MYO10: variants seen among roughly 807,000 people sequenced by gnomAD.
MYO10 encodes unconventional myosin-X.
Under a neutral mutation model 257.3 loss-of-function variants are expected in MYO10, and 133 were observed. The observed-to-expected ratio is 0.52, with a 90% CI of 0.45 to 0.60. The LOEUF is 0.60. Ranked by LOEUF, MYO10 falls within the 20% of genes least tolerant of loss-of-function variation. MYO10 has a pLI of 0.00. For synonymous variants in MYO10, 1,104 were observed against 1,028.6 expected (o/e 1.07, Z -1.40); for missense variants, 2,399 against 2,635.7 (o/e 0.91, Z 1.97).
Position 16,796,464 on chromosome 5 carries a change from GAAAGA to G in MYO10, c.280-1636_280-1632del, listed in dbSNP as rs202181181. 5.9e-3 allele frequency among the ~76,000 whole-genome samples: 594 copies of G among 100,118 alleles called. 9 individuals are homozygous for G. The highest frequency in any genetic ancestry group is 9.7e-3 in the Non-Finnish European group (433 of 44,628). The allele number at this position is 100,118 out of a possible 152,430, so 65.7% of individuals were successfully genotyped here. On this transcript the variant is annotated intron_variant, in intron 3 of 40. Coordinates refer to ENST00000513610, the MANE Select transcript of MYO10 (RefSeq NM_012334.3). ...AGACAGAAAGAAAGAAAGAAAGAAA[GAAAGA>G]AAAGAAAAGAAAAGAAAGAAAGAAA...
chr5:16,756,541 T>C (rs1295605646), intron 18 of MYO10, among the ~76,000 whole-genome samples: 3 of 152,188 alleles, frequency 2.0e-5, no homozygotes, highest in African/African-American at 7.2e-5. Context: ...ACTACATGGA[T>C]TAATTACTTC....
intron 3 of MYO10, among the ~76,000 whole-genome samples, chr5:16,796,469 A>AAAG (rs879800508): frequency 0.53 from 63,804 of 120,358 alleles, 15,566 homozygotes; most frequent in South Asian, 0.59. Flanking sequence ...AGAAAGAAAG[A>AAAG]AAAGAAAAGA....
Position 16,681,310 on chromosome 5 carries a change from T to C in MYO10, c.4383A>G (p.Thr1461=), listed in dbSNP as rs1736988628. ...GGTTCGGGCAGCCAGCCTGGTTACC[T>C]GTCTCTTTGAATATCTTCTCATCTG... ...VPPDEKIFKE[T]GYWNVTVYGR... Residue 1461 remains threonine, a splice_region_variant and synonymous_variant, in exon 32 of 41, where the codon ACA becomes ACG. Coordinates refer to ENST00000513610, the MANE Select transcript of MYO10 (RefSeq NM_012334.3). 6.2e-7 allele frequency: 1 copy of C among 1,606,190 alleles called. No individual in the cohort carries two copies. Among genetic ancestry groups the C allele is most frequent in the East Asian group, 2.2e-5 (1 of 44,854 alleles).
intron 3 of MYO10, among the ~76,000 whole-genome samples, chr5:16,811,867 T>C (rs1252264377): frequency 2.0e-5 from 3 of 152,288 alleles, no homozygotes; most frequent in East Asian, 3.9e-4. Context: ...TCAACCCTGA[T>C]TGATCTCATG....
In MYO10 at chr5:16,779,617, G is replaced by A; in HGVS notation, c.858C>T (p.Tyr286=). The change falls in exon 9 of 41, where the codon TAC becomes TAT. Residue 286 remains tyrosine (Y), a synonymous_variant. Coordinates refer to ENST00000513610, the MANE Select transcript of MYO10 (RefSeq NM_012334.3). ...CACATCCAGACTGATTCAAGTAGTG[G>A]TAGTTTTCTGGCGTAGATAAATAAA... The part of the protein sequence containing the change: ...EEFYLSTPEN[Y]HYLNQSGCVE... 6.2e-7 allele frequency: 1 copy of A among 1,605,726 alleles called. No individual in the cohort carries two copies. Among genetic ancestry groups the A allele is most frequent in the Non-Finnish European group, 8.5e-7 (1 of 1,177,112 alleles).
chr5:16,682,900 C>G (rs900049523), intron 30 of MYO10, among the ~76,000 whole-genome samples: 12 of 152,088 alleles, frequency 7.9e-5, no homozygotes, highest in African/African-American at 2.9e-4. Context: ...AAGGATGGAT[C>G]ATCACATGCC....
intron 9 of MYO10, among the ~76,000 whole-genome samples, chr5:16,776,577 C>T (rs1741219364): frequency 1.3e-5 from 2 of 152,236 alleles, no homozygotes; most frequent in Admixed American, 1.3e-4. Context: ...AATTTCTCTT[C>T]CTTTCTAGGT....
chr5:16,790,341 C>A lies in MYO10; in HGVS notation c.467+4305G>T, dbSNP rs372739555. On this transcript the variant is annotated intron_variant, in intron 4 of 40. Transcript: ENST00000513610. ...GCTGCAAAGATGAATTAGCCACAGGCCTTGTCTGTATTATACACCTTAAGA... is the reference window on the plus strand; with the variant it reads ...GCTGCAAAGATGAATTAGCCACAGGACTTGTCTGTATTATACACCTTAAGA... Among the ~76,000 whole-genome samples the A allele has an allele frequency of 5.9e-5, 9 of 152,180 alleles. No individual in the cohort carries two copies. In the South Asian group the frequency reaches 1.9e-3, roughly 32 times the overall value.
chr5:16,864,332 C>T (rs1251780783), intron 2 of MYO10, among the ~76,000 whole-genome samples: 3 of 152,134 alleles, frequency 2.0e-5, no homozygotes, highest in Non-Finnish European at 4.4e-5. Context: ...CTCTCTGGGC[C>T]AGGCTCGGCT....
At chr5:16,713,221 C>T (rs567780239) in intron 19 of MYO10, 1 of 760,356 alleles carries the variant, frequency 1.3e-6, no homozygotes, top group African/African-American at 1.9e-5. Flanking sequence ...TTCTCCCAGT[C>T]TCTATAGAAC....
intron 19 of MYO10, among the ~76,000 whole-genome samples, chr5:16,720,649 G>A (rs1470036064): frequency 2.6e-5 from 4 of 151,984 alleles, no homozygotes; most frequent in African/African-American, 4.8e-5. Flanking sequence ...TAGTAAAGAC[G>A]GGATTTCACC....
intron 19 of MYO10, among the ~76,000 whole-genome samples, chr5:16,730,574 G>A (rs1297763132): frequency 6.6e-6 from 1 of 152,150 alleles, no homozygotes; most frequent in Non-Finnish European, 1.5e-5. Flanking sequence ...ATGGAGCAGA[G>A]GTCAACAGGG....
At chr5:16,758,669 T>C (rs1740605326) in intron 17 of MYO10, among the ~76,000 whole-genome samples, 1 of 152,208 alleles carries the variant, frequency 6.6e-6, no homozygotes, top group Non-Finnish European at 1.5e-5. Flanking sequence ...GTTCAAATCC[T>C]GTCTCCCCAC....
At chr5:16,733,161 C>A (rs897828577) in intron 19 of MYO10, among the ~76,000 whole-genome samples, 1 of 151,990 alleles carries the variant, frequency 6.6e-6, no homozygotes, top group Admixed American at 6.6e-5. Context: ...CAAACAACAA[C>A]AACAACAAAA....
At chr5:16,902,050 T>C (rs1580132495) in intron 1 of MYO10, among the ~76,000 whole-genome samples, 1 of 152,148 alleles carries the variant, frequency 6.6e-6, no homozygotes, top group Non-Finnish European at 1.5e-5. Context: ...ATTTTCTTTA[T>C]TTTTTATTTT....
chr5:16,711,712 G>A (rs1471461124), intron 19 of MYO10, among the ~76,000 whole-genome samples: 2 of 152,036 alleles, frequency 1.3e-5, no homozygotes, highest in African/African-American at 4.8e-5. Context: ...AACCCGGGAG[G>A]CAGAGGTTGC....
chr5:16,902,665 G>A, intron 1 of MYO10: 1 of 1,162,826 alleles, frequency 8.6e-7, no homozygotes, highest in Non-Finnish European at 1.3e-6. Flanking sequence ...ACCGGAGAGA[G>A]GCCCGGCTAA....
chr5:16,862,840 TCTTTGTGCCCAACA>T (rs1300544145), intron 2 of MYO10, among the ~76,000 whole-genome samples: 2 of 152,204 alleles, frequency 1.3e-5, no homozygotes, highest in Non-Finnish European at 2.9e-5. Context: ...TGAGCCCTTT[TCTTTGTGCCCAACA>T]CCAGCACTGC....
chr5:16,764,436 G>A (rs1740807081), intron 11 of MYO10, 40 bp from the exon 12 acceptor site: 1 of 1,608,916 alleles, frequency 6.2e-7, no homozygotes, highest in Non-Finnish European at 8.5e-7. Flanking sequence ...CTGACCCCGG[G>A]CACCCCAGAC....
Sources: allele counts gnomAD v4.1 joint callset (sites outside exome capture counted in the v4.1 genomes callset), GRCh38; gene constraint gnomAD v4.1.1; transcripts MANE v1.5; gene names NCBI Gene and HGNC (gene_info 2026-07-23, HGNC 2026-07-21).